NSUN7: variants seen among roughly 807,000 people sequenced by gnomAD.
NSUN7 encodes the protein protein NSUN7.
NSUN7 carries 39 observed loss-of-function variants against 58.5 expected under a neutral mutation model. The observed-to-expected ratio is 0.67, with a 90% CI of 0.52 to 0.87. NSUN7 has a LOEUF of 0.87. Among genes scored for constraint, NSUN7 ranks in the 40% least tolerant of loss-of-function variants. The pLI is 0.00. For synonymous variants in NSUN7, 278 were observed against 303.7 expected, an observed-to-expected ratio of 0.92 and a Z score of 0.88; for missense variants, 765 against 844.1, an observed-to-expected ratio of 0.91 and a Z score of 1.16.
Position 40,806,180 on chromosome 4 carries a change from A to G in NSUN7, c.1401-881A>G, listed in dbSNP as rs188798360. The stretch of plus-strand genomic sequence containing the variant: ...CGGCTAATTTTTGCATTTTTAGCAG[A>G]GACGGGGTTTCACCATGTTGGCCAG... On this transcript the variant is annotated intron_variant, in intron 10 of 11. Transcript: ENST00000381782. Among the ~76,000 whole-genome samples, 120 of 152,248 alleles carry G rather than the reference A, an allele frequency of 7.9e-4. 1 individual carries two copies. The highest frequency in any genetic ancestry group is 2.9e-3 in the African/African-American group (120 of 41,536).
intron 4 of NSUN7, 106 bp downstream of exon 4, chr4:40,761,407 G>A: frequency 4.7e-6 from 4 of 848,812 alleles, no homozygotes; most frequent in South Asian, 1.9e-5. Flanking sequence ...AATTTTATAG[G>A]GAAAAATATA....
chr4:40,757,751 T>C (rs887699242), intron 2 of NSUN7, among the ~76,000 whole-genome samples: 3 of 143,038 alleles, frequency 2.1e-5, no homozygotes, highest in Non-Finnish European at 3.0e-5. Context: ...CACACACACA[T>C]ACATACACAA....
At chr4:40,776,282 T>C in intron 7 of NSUN7, 23 bp downstream of exon 7, 1 of 1,467,278 alleles carries the variant, frequency 6.8e-7, no homozygotes, top group Non-Finnish European at 9.3e-7. Context: ...ATTTCTTCAT[T>C]TGGTGATTAT....
chr4:40,786,697 C>A (rs1742840168), intron 7 of NSUN7: 2 of 1,575,482 alleles, frequency 1.3e-6, no homozygotes, highest in East Asian at 4.5e-5. Context: ...GTTGCGGCAA[C>A]AGAAAAAGAA....
chr4:40,775,903 TTAGACA>T lies in NSUN7; in HGVS notation c.826-143_826-138del, dbSNP rs773405666. 359 of 509,882 alleles carry T rather than the reference TTAGACA, an allele frequency of 7.0e-4. 1 individual carries two copies. The highest frequency in any genetic ancestry group is 9.7e-4 in the Non-Finnish European group (284 of 291,432). The allele number at this position is 509,882 out of a possible 1,614,324, so 31.6% of individuals were successfully genotyped here. On this transcript the variant is annotated intron_variant, in intron 6 of 11. Coordinates refer to ENST00000381782, the MANE Select transcript of NSUN7 (RefSeq NM_024677.6). This position sits in a 1 kb window ranked among gnomAD's most constrained non-coding sequence, Gnocchi z 4.3. ...TCAGTTGTCTTTGTTAACTCTTTAC[TTAGACA>T]TATATTAAGATGTTAAAACTAAAAT...
intron 4 of NSUN7, among the ~76,000 whole-genome samples, chr4:40,762,186 G>A (rs1387862943): frequency 1.3e-5 from 2 of 152,190 alleles, no homozygotes; most frequent in Non-Finnish European, 2.9e-5. Flanking sequence ...CTCCAGAACT[G>A]TGAGAAAATA....
At position 40,808,977 on chromosome 4, in the gene NSUN7, A is replaced by AT. The variant is rs1056565222; in HGVS notation, c.*46dup. On this transcript the variant is annotated 3_prime_UTR_variant, in exon 12 of 12. Coordinates refer to ENST00000381782, the MANE Select transcript of NSUN7 (RefSeq NM_024677.6). ...TTTTATAGGGGCCAAAGAGCAGTTG[A>AT]TTTTTTTTCAAAGTCTAGTATTTCT... 6.9e-6 allele frequency: 10 copies of AT among 1,458,354 alleles called. No homozygotes were observed. The highest frequency in any genetic ancestry group is 2.9e-5 in the African/African-American group (2 of 69,776). The allele number at this position is 1,458,354 out of a possible 1,614,324, so 90.3% of individuals were successfully genotyped here.
intron 7 of NSUN7, among the ~76,000 whole-genome samples, chr4:40,790,202 C>T (rs1743017446): frequency 6.6e-6 from 1 of 151,796 alleles, no homozygotes; most frequent in Admixed American, 6.6e-5. Context: ...CAGTCTTCAC[C>T]ACAGTTATAT....
chr4:40,808,972 A>C lies in NSUN7; in HGVS notation c.*33A>C. The C allele has an allele frequency of 6.8e-7, 1 of 1,467,480 alleles. No homozygotes were observed. Among genetic ancestry groups the C allele is most frequent in the African/African-American group, 1.4e-5 (1 of 70,224 alleles). The allele number at this position is 1,467,480 out of a possible 1,614,324, so 90.9% of individuals were successfully genotyped here. On this transcript the variant is annotated 3_prime_UTR_variant, in exon 12 of 12. Transcript: ENST00000381782. The stretch of plus-strand genomic sequence containing the variant: ...GTGTTTTTTATAGGGGCCAAAGAGC[A>C]GTTGATTTTTTTTCAAAGTCTAGTA...
chr4:40,778,239 A>T (rs1742362711), intron 7 of NSUN7, among the ~76,000 whole-genome samples: 1 of 152,202 alleles, frequency 6.6e-6, no homozygotes, highest in African/African-American at 2.4e-5. Context: ...GAGAGGAGAA[A>T]AGGAATTGGA....
intron 3 of NSUN7, among the ~76,000 whole-genome samples, chr4:40,760,902 T>C (rs889396690): frequency 6.6e-6 from 1 of 150,836 alleles, no homozygotes; most frequent in African/African-American, 2.4e-5. Context: ...GTTTGCTGAA[T>C]ATTGAAACCT....
intron 8 of NSUN7, 72 bp from the exon 9 acceptor site, chr4:40,794,303 T>C: frequency 1.4e-6 from 1 of 709,666 alleles, no homozygotes; most frequent in Non-Finnish European, 2.3e-6. Context: ...ATTGAAAAAT[T>C]ATATGATGAT....
intron 8 of NSUN7, among the ~76,000 whole-genome samples, chr4:40,792,595 C>CA (rs1420134925): frequency 3.3e-5 from 5 of 151,988 alleles, no homozygotes; most frequent in Admixed American, 2.6e-4. Flanking sequence ...ACTAAAAATA[C>CA]AAAAAATTAG....
chr4:40,755,899 T>C (rs1425159687), intron 2 of NSUN7, among the ~76,000 whole-genome samples: 1 of 152,212 alleles, frequency 6.6e-6, no homozygotes, highest in Non-Finnish European at 1.5e-5. Flanking sequence ...CTCCCACCAA[T>C]GATAAATAAC....
rs755955403 is a variant in NSUN7, at chr4:40,761,207, T to G, written c.394T>G (p.Tyr132Asp). The G allele has an allele frequency of 6.3e-7, 1 of 1,585,692 alleles. No individual in the cohort carries two copies. The highest frequency in any genetic ancestry group is 8.5e-7 in the Non-Finnish European group (1 of 1,170,970). Reference sequence around the variant, plus strand: ...GAGCAGTCTTATTATTGTGATGCTATATGATTTCCAAGATAGAAAATTTCA... The same window carrying G: ...GAGCAGTCTTATTATTGTGATGCTAGATGATTTCCAAGATAGAAAATTTCA... ...HLSSLIIVML[Y>D]DFQDRKFQTR... Residue 132 changes from tyrosine (Y) to aspartate (D), a missense_variant, in exon 4 of 12, where the codon TAT (tyrosine) becomes GAT (aspartate). Tyr to Asp is a radical substitution (Grantham distance 160). Coordinates refer to ENST00000381782, the MANE Select transcript of NSUN7 (RefSeq NM_024677.6).
intron 2 of NSUN7, among the ~76,000 whole-genome samples, chr4:40,756,380 C>T (rs16852478): frequency 0.017 from 2,516 of 152,234 alleles, 68 homozygotes; most frequent in African/African-American, 0.058. Flanking sequence ...GTTAAGAGAT[C>T]CCTGAAGCAG....
At chr4:40,763,036 G>A (rs913321052) in intron 4 of NSUN7, among the ~76,000 whole-genome samples, 7 of 151,730 alleles carry the variant, frequency 4.6e-5, no homozygotes, top group African/African-American at 9.7e-5. Flanking sequence ...AAAAAGGTTC[G>A]AGACTGCTGA....
intron 10 of NSUN7, among the ~76,000 whole-genome samples, chr4:40,805,003 C>T (rs978180428): frequency 3.9e-5 from 6 of 152,124 alleles, no homozygotes; most frequent in Non-Finnish European, 8.8e-5. Context: ...CTCCTCTCAA[C>T]ATAGCCTTCT....
Position 40,751,866 on chromosome 4 carries a change from C to T in NSUN7, c.298+875C>T, listed in dbSNP as rs945961536. On this transcript the variant is annotated intron_variant, in intron 2 of 11. Coordinates refer to ENST00000381782, the MANE Select transcript of NSUN7 (RefSeq NM_024677.6). ...TAAAAATTAGCCCAGTATGGTGGCACATGTCTTTAGTCCCAGATACTTGGG... is the reference window on the plus strand; with the variant it reads ...TAAAAATTAGCCCAGTATGGTGGCATATGTCTTTAGTCCCAGATACTTGGG... Among the ~76,000 whole-genome samples the T allele has an allele frequency of 3.9e-5, 6 of 152,252 alleles. No individual in the cohort carries two copies. The East Asian group carries it at 1.2e-3, about 29-fold the overall frequency.
Sources: gnomAD v4.1 joint callset for allele counts (sites outside exome capture counted in the v4.1 genomes callset) on GRCh38, gnomAD v4.1.1 for gene constraint, Gnocchi (gnomAD v3.1) non-coding constraint, MANE v1.5 for transcripts, NCBI Gene and HGNC (gene_info 2026-07-23, HGNC 2026-07-21) for gene names.